PARP15: variants seen among roughly 807,000 people sequenced by gnomAD.
The protein encoded by PARP15 is poly(ADP-ribose) polymerase family member 15.
PARP15 carries 50 observed loss-of-function variants against 62.1 expected under a neutral mutation model. The observed-to-expected ratio is 0.81, with a 90% confidence interval of 0.64 to 1.02. The LOEUF is 1.02. Ranked by LOEUF, PARP15 falls within the 50% of genes least tolerant of loss-of-function variation. PARP15 has a pLI of 0.00. For missense variants in PARP15, 820 were observed against 826.5 expected, an observed-to-expected ratio of 0.99 and a Z score of 0.10; for synonymous variants, 309 against 293.1, an observed-to-expected ratio of 1.05 and a Z score of -0.55.
chr3:122,622,255 C>T (rs1936398545), intron 8 of PARP15, among the ~76,000 whole-genome samples: 3 of 152,218 alleles, frequency 2.0e-5, no homozygotes, highest in Admixed American at 1.3e-4. Context: ...TTCTCATTCT[C>T]TCCAGGATCT....
At position 122,625,243 on chromosome 3, in the gene PARP15, C is replaced by A. The variant is rs113148265; in HGVS notation, c.1232-1584C>A. On this transcript the variant is annotated intron_variant, in intron 8 of 11. Transcript: ENST00000464300. ...GGTTTTGTTTGTTGTTGTTGTTGTT[C>A]TTTGTTTGTTTTTTTGTTGTTGTTT... Among the ~76,000 whole-genome samples the A allele has an allele frequency of 2.8e-5, 3 of 106,606 alleles. No individual in the cohort carries two copies. The East Asian group carries it at 2.0e-3, about 71-fold the overall frequency. The allele number at this position is 106,606 out of a possible 152,430, so 69.9% of individuals were successfully genotyped here.
chr3:122,600,804 T>G (rs1261667635), intron 1 of PARP15, among the ~76,000 whole-genome samples: 1 of 151,552 alleles, frequency 6.6e-6, no homozygotes, highest in Admixed American at 6.6e-5. Flanking sequence ...TTTTTTTTTT[T>G]AAGGAAAGGA....
At chr3:122,620,652 C>T (rs920214162) in intron 7 of PARP15, among the ~76,000 whole-genome samples, 5 of 146,918 alleles carry the variant, frequency 3.4e-5, no homozygotes, top group South Asian at 2.3e-4. Context: ...TGGGAGAGCT[C>T]GCTGTGCCTG....
At chr3:122,630,611 C>T (rs12695426) in intron 9 of PARP15, among the ~76,000 whole-genome samples, 23,073 of 151,926 alleles carry the variant, frequency 0.15, 2,189 homozygotes, top group East Asian at 0.47. Flanking sequence ...CCCAGGAGGT[C>T]AAGGCTGCAG....
intron 1 of PARP15, among the ~76,000 whole-genome samples, chr3:122,600,520 C>G (rs560467260): frequency 6.6e-6 from 1 of 152,222 alleles, no homozygotes; most frequent in Admixed American, 6.5e-5. Flanking sequence ...TGCATTCCAC[C>G]CCACTCATTA....
intron 1 of PARP15, among the ~76,000 whole-genome samples, chr3:122,579,539 T>C (rs2080755015): frequency 1.3e-5 from 2 of 152,226 alleles, no homozygotes; most frequent in African/African-American, 4.8e-5. Flanking sequence ...TTGGTCCCTG[T>C]AGTTCCAGAA....
intron 10 of PARP15, among the ~76,000 whole-genome samples, chr3:122,634,038 C>T (rs1470857107): frequency 6.6e-6 from 1 of 152,190 alleles, no homozygotes; most frequent in Admixed American, 6.5e-5. Context: ...CGTTACTCTC[C>T]CGGAGGCCTC....
chr3:122,630,718 C>G (rs1559997448), intron 9 of PARP15, among the ~76,000 whole-genome samples: 1 of 152,038 alleles, frequency 6.6e-6, no homozygotes, highest in Non-Finnish European at 1.5e-5. Context: ...ACAAATACCT[C>G]TGGGATGTAA....
chr3:122,609,711 TAAA>T (rs34604043), intron 2 of PARP15, among the ~76,000 whole-genome samples: 2 of 139,914 alleles, frequency 1.4e-5, no homozygotes, highest in Admixed American at 1.4e-4. Flanking sequence ...AAAAAAAAAT[TAAA>T]AAAAAAAAAG....
chr3:122,617,039 C>G lies in PARP15; in HGVS notation c.875C>G (p.Pro292Arg). The G allele has an allele frequency of 1.9e-6, 3 of 1,614,070 alleles. No individual in the cohort carries two copies. Among genetic ancestry groups the G allele is most frequent in the Non-Finnish European group, 2.5e-6 (3 of 1,179,998 alleles). Residue 292 changes from proline to arginine, a missense_variant, in exon 6 of 12, where the codon CCT (proline) becomes CGT (arginine). Around this residue, in one of 3 missense-constraint regions of PARP15, gnomAD observed 731 missense variants for 727.7 expected, o/e 1.00. Coordinates refer to ENST00000464300, the MANE Select transcript of PARP15 (RefSeq NM_001113523.3). ...GGTGTGGTCGGGACTGTCTCTAAGC[C>G]TTGTTTCACAGCATATGAAATGAAA... The part of the protein sequence containing the change: ...TQGVVGTVSK[P>R]CFTAYEMKIG...
chr3:122,609,446 C>G (rs146636193), intron 2 of PARP15, among the ~76,000 whole-genome samples: 1 of 152,154 alleles, frequency 6.6e-6, no homozygotes, highest in African/African-American at 2.4e-5. Context: ...GCCAGTAATC[C>G]CAACACTTTG....
At chr3:122,581,417 CCTTTT>C in intron 1 of PARP15, among the ~76,000 whole-genome samples, 1 of 152,242 alleles carries the variant, frequency 6.6e-6, no homozygotes, top group South Asian at 2.1e-4. Flanking sequence ...CCTTTCCTTT[CCTTTT>C]CTTTCACAGC....
chr3:122,632,942 TGTCC>T (rs750475773), intron 10 of PARP15, among the ~76,000 whole-genome samples: 7 of 152,168 alleles, frequency 4.6e-5, no homozygotes, highest in African/African-American at 4.8e-5. Context: ...ATTACCACAA[TGTCC>T]ACTATGCTGC....
At chr3:122,584,271 T>A (rs1933225377) in intron 1 of PARP15, among the ~76,000 whole-genome samples, 1 of 152,210 alleles carries the variant, frequency 6.6e-6, no homozygotes, top group Non-Finnish European at 1.5e-5. Context: ...TACTGCCAGC[T>A]GAGTTTTTAA....
At chr3:122,600,882 C>T (rs1211697042) in intron 1 of PARP15, among the ~76,000 whole-genome samples, 1 of 151,546 alleles carries the variant, frequency 6.6e-6, no homozygotes, top group Non-Finnish European at 1.5e-5. Flanking sequence ...TCAAATACCC[C>T]CCTCCCCTAG....
rs1022148281 is a variant in PARP15 at position 122,638,060 on chromosome 3, T to C, written c.*1960T>C. 6.6e-6 allele frequency: 1 copy of C among 152,240 alleles called. No individual in the cohort carries two copies. Among genetic ancestry groups the C allele is most frequent in the African/African-American group, 2.4e-5 (1 of 41,456 alleles). 9.4% of individuals were successfully genotyped at this position (152,240 alleles called of 1,614,324 possible). A position where few individuals can be genotyped will look rare whatever the true frequency, so the allele number is the denominator to read the frequency against. ...TGAGAACATGTGGTGTTTGGTTTTT[T>C]GTCCTTGCGATAGTTTGCTGAGAAT... On this transcript the variant is annotated 3_prime_UTR_variant, in exon 12 of 12. Coordinates refer to ENST00000464300, the MANE Select transcript of PARP15 (RefSeq NM_001113523.3).
intron 5 of PARP15, 71 bp downstream of exon 5, chr3:122,615,928 C>T: frequency 7.0e-7 from 1 of 1,429,616 alleles, no homozygotes. Flanking sequence ...AGTTGAAGTC[C>T]AGTAGAAGTA....
At chr3:122,577,992 C>CGGG (rs1489745633) in intron 1 of PARP15, 139 bp downstream of exon 1, 1 of 802,982 alleles carries the variant, frequency 1.2e-6, no homozygotes, top group African/African-American at 1.8e-5. Flanking sequence ...ACTACACTGA[C>CGGG]TTCCCTGTTC....
chr3:122,600,688 C>T (rs944750120), intron 1 of PARP15, among the ~76,000 whole-genome samples: 1 of 152,134 alleles, frequency 6.6e-6, no homozygotes, highest in Admixed American at 6.6e-5. Context: ...GCACATACCA[C>T]AGGTGTTGCC....
Sources: allele counts gnomAD v4.1 joint callset (sites outside exome capture counted in the v4.1 genomes callset), GRCh38; gene constraint gnomAD v4.1.1; regional missense constraint gnomAD v4.1.1; transcripts MANE v1.5; gene names NCBI Gene and HGNC (gene_info 2026-07-23, HGNC 2026-07-21).